WDR45B: variants seen among roughly 807,000 people sequenced by gnomAD.
The protein encoded by WDR45B is WD repeat domain phosphoinositide-interacting protein 3.
Under a neutral mutation model 44.6 loss-of-function variants are expected in WDR45B, and 20 were observed. That is an observed-to-expected ratio of 0.45 (90% CI 0.32 to 0.65). The LOEUF is 0.65. Among genes scored for constraint, WDR45B ranks in the 30% least tolerant of loss-of-function variants. The probability of loss-of-function intolerance (pLI) is 0.05; values close to 1 mark genes in which losing one functional copy is unlikely to be tolerated. For missense variants in WDR45B, 323 were observed against 430.2 expected (o/e 0.75, Z 2.20); for synonymous variants, 169 against 164.9 (o/e 1.02, Z -0.19).
At chr17:82,647,662 G>T (rs1029713416) in intron 1 of WDR45B, among the ~76,000 whole-genome samples, 1 of 147,754 alleles carries the variant, frequency 6.8e-6, no homozygotes, top group Non-Finnish European at 1.5e-5. Flanking sequence ...TGGGGGTGGG[G>T]AGAGTGACAT....
At chr17:82,627,870 A>G (rs2045719466) in intron 3 of WDR45B, among the ~76,000 whole-genome samples, 1 of 152,268 alleles carries the variant, frequency 6.6e-6, no homozygotes, top group African/African-American at 2.4e-5. Context: ...ACTGATGTTA[A>G]AAGTGCTGCA....
chr17:82,615,299 G>A lies in WDR45B; in HGVS notation c.*620C>T, dbSNP rs770962813. Reference sequence around the variant, plus strand: ...CACGCACGGGCACAGGTGACGTCACGGGCACAGATGACCACGTTGCGGGTA... The same window carrying A: ...CACGCACGGGCACAGGTGACGTCACAGGCACAGATGACCACGTTGCGGGTA... On this transcript the variant is annotated 3_prime_UTR_variant, in exon 10 of 10. Transcript: ENST00000392325. 30 of 158,470 alleles carry A rather than the reference G, an allele frequency of 1.9e-4. No homozygotes were observed. The highest frequency in any genetic ancestry group is 3.6e-4 in the Non-Finnish European group (26 of 71,424). 9.8% of individuals were successfully genotyped at this position (158,470 alleles called of 1,614,324 possible).
intron 2 of WDR45B, among the ~76,000 whole-genome samples, chr17:82,641,078 G>A (rs758109004): frequency 1.4e-5 from 2 of 148,064 alleles, no homozygotes; most frequent in Non-Finnish European, 3.0e-5. Context: ...TGATTCTCGT[G>A]CCTCAACCTC....
intron 1 of WDR45B, among the ~76,000 whole-genome samples, chr17:82,646,882 C>CCTGA (rs1378176536): frequency 6.6e-6 from 1 of 152,204 alleles, no homozygotes; most frequent in Non-Finnish European, 1.5e-5. Context: ...GCCCAGGAAG[C>CCTGA]CTGACTGGTC....
chr17:82,622,817 G>C (rs1468889976), intron 5 of WDR45B, among the ~76,000 whole-genome samples: 1 of 151,788 alleles, frequency 6.6e-6, no homozygotes, highest in Non-Finnish European at 1.5e-5. Context: ...GATGGTACTG[G>C]GATAAAGACA....
intron 1 of WDR45B, among the ~76,000 whole-genome samples, chr17:82,646,694 G>C (rs2045983077): frequency 2.0e-5 from 3 of 152,104 alleles, no homozygotes; most frequent in African/African-American, 7.2e-5. Flanking sequence ...TTCATCACCT[G>C]AACACTTATG....
At chr17:82,629,934 C>T (rs1313302611) in intron 3 of WDR45B, 1 of 985,178 alleles carries the variant, frequency 1.0e-6, no homozygotes, top group African/African-American at 1.7e-5. Context: ...TCTGAACTGC[C>T]TCCCTCACTG....
chr17:82,619,141 G>A lies in WDR45B; in HGVS notation c.619-13C>T, dbSNP rs1046096349. On this transcript the variant is annotated splice_polypyrimidine_tract_variant and intron_variant, in intron 6 of 9. Transcript: ENST00000392325. ...TTATAAGCGTCCCCTTTGAAAAACA[G>A]TGAAGTGTTTCATTATCAAAGATTC... 7 of 1,611,418 alleles carry A rather than the reference G, an allele frequency of 4.3e-6. No individual in the cohort carries two copies. Among genetic ancestry groups the A allele is most frequent in the Non-Finnish European group, 5.9e-6 (7 of 1,177,542 alleles).
intron 4 of WDR45B, chr17:82,626,809 C>G (rs913674411): frequency 3.7e-6 from 1 of 268,286 alleles, no homozygotes; most frequent in Admixed American, 5.0e-5. Context: ...TTTCCTTTAC[C>G]TTCAAACCGA....
At chr17:82,647,691 G>A (rs1264558938) in intron 1 of WDR45B, among the ~76,000 whole-genome samples, 4 of 151,848 alleles carry the variant, frequency 2.6e-5, no homozygotes, top group Admixed American at 2.6e-4. Flanking sequence ...GGAAACCGAC[G>A]GGAAAGGTGA....
chr17:82,641,885 G>A (rs996670477), intron 2 of WDR45B, among the ~76,000 whole-genome samples: 3 of 151,708 alleles, frequency 2.0e-5, no homozygotes, highest in Admixed American at 6.6e-5. Context: ...GCAACAGAGC[G>A]AGACAACGTC....
chr17:82,641,897 G>T (rs955996564), intron 2 of WDR45B, among the ~76,000 whole-genome samples: 1 of 151,748 alleles, frequency 6.6e-6, no homozygotes, highest in Non-Finnish European at 1.5e-5. Context: ...GACAACGTCA[G>T]AGATAGATAT....
At chr17:82,634,338 A>T (rs1160562039) in intron 2 of WDR45B, among the ~76,000 whole-genome samples, 4 of 150,198 alleles carry the variant, frequency 2.7e-5, no homozygotes, top group African/African-American at 4.9e-5. Context: ...AAATACAAAA[A>T]TTAGCCAGGA....
intron 3 of WDR45B, chr17:82,629,530 C>G (rs1331144512): frequency 7.1e-6 from 7 of 985,390 alleles, no homozygotes; most frequent in Non-Finnish European, 7.2e-6. Context: ...CACAGACAAA[C>G]CTTGTGAGAT....
In WDR45B at chr17:82,615,713, G is replaced by A. The variant is rs936505797; in HGVS notation, c.*206C>T. ...CAGTCGAGCTGGTCACAGCCACTGA[G>A]TTACCTACGGTGCCTTGATGATGAT... On this transcript the variant is annotated 3_prime_UTR_variant, in exon 10 of 10. Transcript: ENST00000392325. 3.2e-5 allele frequency: 19 copies of A among 591,932 alleles called. No individual in the cohort carries two copies. The highest frequency in any genetic ancestry group is 5.8e-5 in the Non-Finnish European group (19 of 329,896). The allele number at this position is 591,932 out of a possible 1,614,324, so 36.7% of individuals were successfully genotyped here.
At position 82,616,770 on chromosome 17, in the gene WDR45B, T is replaced by A. The variant is rs924924227; in HGVS notation, c.807-125A>T. 2.3e-6 allele frequency: 3 copies of A among 1,317,418 alleles called. No homozygotes were observed. The African/African-American group carries it at 4.5e-5, about 20-fold the overall frequency. 81.6% of individuals were successfully genotyped at this position (1,317,418 alleles called of 1,614,324 possible). A position where few individuals can be genotyped will look rare whatever the true frequency, so the allele number is the denominator to read the frequency against. ...TCATATGGTTTGAGCTTTAATGAAT[T>A]TTTTTTTTGCCATGCATGACAAAGC... On this transcript the variant is annotated intron_variant, in intron 8 of 9. Coordinates refer to ENST00000392325, the MANE Select transcript of WDR45B (RefSeq NM_019613.4).
At chr17:82,616,699 C>A in intron 8 of WDR45B, 54 bp from the exon 9 acceptor site, 1 of 1,611,092 alleles carries the variant, frequency 6.2e-7, no homozygotes. Context: ...AAAAAAATCA[C>A]CTGCGTAAGC....
chr17:82,643,973 G>T lies in WDR45B; in HGVS notation c.118C>A (p.Pro40Thr). 6.2e-7 allele frequency: 1 copy of T among 1,614,062 alleles called. No homozygotes were observed. The stretch of plus-strand genomic sequence containing the variant: ...CCTTGTTTCTCTTTTTCTTTTAGTG[G>T]ATCAGTGTTATAGACTCGGAATCCA... ...ENGFRVYNTD[P>T]LKEKEKQEFL... is the part of the protein sequence containing the mutation. The change falls in exon 2 of 10, where the codon CCA becomes ACA. Residue 40 changes from proline to threonine, a missense_variant. Coordinates refer to ENST00000392325, the MANE Select transcript of WDR45B (RefSeq NM_019613.4).
chr17:82,648,280 C>T lies in WDR45B; in HGVS notation c.61G>A (p.Asp21Asn). ...NGLLYAGFNQ[D>N]HGCFACGMEN... The stretch of plus-strand genomic sequence containing the variant: ...CAGGGCCGCGCCTCCTCACCGTGGT[C>T]CTGGTTGAAGCCGGCGTAGAGCAGC... Residue 21 changes from aspartate to asparagine, a missense_variant, in exon 1 of 10, where the codon GAC (aspartate) becomes AAC (asparagine). Transcript: ENST00000392325. 1 of 1,606,570 alleles carries T rather than the reference C, an allele frequency of 6.2e-7. No homozygotes were observed.
Sources: gnomAD v4.1 joint callset for allele counts (sites outside exome capture counted in the v4.1 genomes callset) on GRCh38, gnomAD v4.1.1 for gene constraint, MANE v1.5 for transcripts, NCBI Gene and HGNC (gene_info 2026-07-23, HGNC 2026-07-21) for gene names.